Variants in TRHDE observed in about 807,000 individuals in gnomAD.
The protein encoded by TRHDE is thyrotropin-releasing hormone-degrading ectoenzyme.
A neutral mutation model predicts 125.7 loss-of-function variants in TRHDE; 72 were observed. The ratio of observed to expected loss-of-function variants is 0.57; its 90% CI spans 0.47 to 0.70. The LOEUF is 0.70. Among genes scored for constraint, TRHDE ranks in the 30% least tolerant of loss-of-function variants. The pLI is 0.00. For synonymous variants in TRHDE, 509 were observed against 509.1 expected, an observed-to-expected ratio of 1.00 and a Z score of 0.00; for missense variants, 1,110 against 1,327.1, an observed-to-expected ratio of 0.84 and a Z score of 2.54.
chr12:72,395,495 A>G (rs1182170542), intron 3 of TRHDE, among the ~76,000 whole-genome samples: 4 of 151,816 alleles, frequency 2.6e-5, no homozygotes, highest in Non-Finnish European at 4.4e-5. Context: ...CTGCTCCAAC[A>G]ACTTGTCACC....
intron 2 of TRHDE, among the ~76,000 whole-genome samples, chr12:72,350,633 T>C (rs1056666656): frequency 2.0e-5 from 3 of 151,950 alleles, no homozygotes; most frequent in African/African-American, 7.2e-5. Context: ...TTGTCTAGCT[T>C]TTGATCTTCT....
At chr12:72,226,944 C>T (rs147399429) in intron 2 of TRHDE, among the ~76,000 whole-genome samples, 1 of 152,276 alleles carries the variant, frequency 6.6e-6, no homozygotes, top group African/African-American at 2.4e-5. Flanking sequence ...ATGTGGAACA[C>T]AGCAATTAAG....
intron 15 of TRHDE, among the ~76,000 whole-genome samples, chr12:72,636,648 G>A (rs1346549106): frequency 2.0e-5 from 3 of 152,142 alleles, no homozygotes; most frequent in Non-Finnish European, 2.9e-5. Context: ...GTCTGTCATA[G>A]ATAGCTCTTA....
intron 3 of TRHDE, among the ~76,000 whole-genome samples, chr12:72,428,959 T>G (rs1233823552): frequency 6.6e-6 from 1 of 152,076 alleles, no homozygotes; most frequent in Non-Finnish European, 1.5e-5. Context: ...AAAATTCCAT[T>G]GTATAGATAT....
Position 72,273,596 on chromosome 12 carries a change from G to A in TRHDE, c.914+39G>A, listed in dbSNP as rs780894735. 6.5e-7 allele frequency: 1 copy of A among 1,538,870 alleles called. No individual in the cohort carries two copies. Among genetic ancestry groups the A allele is most frequent in the East Asian group, 2.3e-5 (1 of 44,014 alleles). On this transcript the variant is annotated intron_variant, in intron 1 of 18. Coordinates refer to ENST00000261180, the MANE Select transcript of TRHDE (RefSeq NM_013381.3). This position sits in a 1 kb window ranked among gnomAD's most constrained non-coding sequence, Gnocchi z 5.3. ...CGGTGCCCCGCGCTGCCCCACCCCG[G>A]CGCGCGGCTCGAACCTCTGGGCGGC...
At chr12:72,420,328 G>C (rs1873900027) in intron 3 of TRHDE, among the ~76,000 whole-genome samples, 1 of 152,126 alleles carries the variant, frequency 6.6e-6, no homozygotes, top group Admixed American at 6.6e-5. Flanking sequence ...AGCAACTCCT[G>C]GTATTCTGAT....
chr12:72,582,458 T>C (rs1245235308), intron 12 of TRHDE: 18 of 985,314 alleles, frequency 1.8e-5, no homozygotes, highest in Non-Finnish European at 2.2e-5. Flanking sequence ...GGCATGGCTT[T>C]TGTTAGAAGT....
At chr12:72,164,917 G>C (rs530066153) in intron 2 of TRHDE, among the ~76,000 whole-genome samples, 121 of 152,128 alleles carry the variant, frequency 8.0e-4, no homozygotes, top group Non-Finnish European at 1.4e-3. Flanking sequence ...CACACATTCA[G>C]GGGCACCTGC....
chr12:72,154,283 T>C (rs989866117), intron 2 of TRHDE, among the ~76,000 whole-genome samples: 15 of 152,350 alleles, frequency 9.8e-5, no homozygotes, highest in Admixed American at 3.3e-4. Context: ...TTTGAGCCTA[T>C]GTGTGTCTCT....
chr12:72,150,969 G>T (rs1249780562), intron 2 of TRHDE, among the ~76,000 whole-genome samples: 10 of 152,162 alleles, frequency 6.6e-5, no homozygotes, highest in East Asian at 1.9e-4. Flanking sequence ...CTGAGGAATC[G>T]CCACACCGAC....
At chr12:72,340,669 C>T (rs1870042845) in intron 2 of TRHDE, among the ~76,000 whole-genome samples, 1 of 151,978 alleles carries the variant, frequency 6.6e-6, no homozygotes, top group Non-Finnish European at 1.5e-5. Context: ...GGGTGCTAGA[C>T]CCATCTACTC....
chr12:72,424,435 G>A (rs925658188), intron 3 of TRHDE, among the ~76,000 whole-genome samples: 5 of 152,108 alleles, frequency 3.3e-5, no homozygotes, highest in Admixed American at 6.5e-5. Context: ...CAAGTACCAC[G>A]GGTTAGGGCT....
intron 2 of TRHDE, among the ~76,000 whole-genome samples, chr12:72,125,326 A>G (rs1333753991): frequency 6.6e-6 from 1 of 151,920 alleles, no homozygotes; most frequent in Non-Finnish European, 1.5e-5. Context: ...TGAATTTTTT[A>G]TTTCACTTAT....
At chr12:72,168,764 T>C (rs978590205) in intron 2 of TRHDE, among the ~76,000 whole-genome samples, 10 of 152,212 alleles carry the variant, frequency 6.6e-5, no homozygotes, top group African/African-American at 2.4e-4. Flanking sequence ...GCTATTCTTT[T>C]GAGAAGGTAA....
At chr12:72,463,095 A>T (rs1876204101) in intron 3 of TRHDE, among the ~76,000 whole-genome samples, 1 of 152,246 alleles carries the variant, frequency 6.6e-6, no homozygotes, top group South Asian at 2.1e-4. Flanking sequence ...AAAATATCTT[A>T]CATTCAATCA....
chr12:72,568,534 T>A, intron 9 of TRHDE, 34 bp from the exon 10 acceptor site: 1 of 1,520,102 alleles, frequency 6.6e-7, no homozygotes, highest in Non-Finnish European at 9.1e-7. Flanking sequence ...GATATAGTTA[T>A]TTTTATTCTT....
chr12:72,257,702 T>C (rs1878850233), intron 2 of TRHDE: 1 of 152,178 alleles, frequency 6.6e-6, no homozygotes, highest in Admixed American at 6.5e-5. Context: ...GTCAAGGTAA[T>C]TTGAATTTAG....
intron 2 of TRHDE, among the ~76,000 whole-genome samples, chr12:72,322,782 T>TGCTA: frequency 6.6e-6 from 1 of 152,164 alleles, no homozygotes. Flanking sequence ...ACAAACTCAG[T>TGCTA]GCTAGCTAGC....
intron 15 of TRHDE, among the ~76,000 whole-genome samples, chr12:72,642,612 A>G (rs1351742963): frequency 6.6e-6 from 1 of 152,186 alleles, no homozygotes; most frequent in Non-Finnish European, 1.5e-5. Flanking sequence ...CATGTTTATC[A>G]TGTATACCGT....
Sources: allele counts gnomAD v4.1 joint callset (sites outside exome capture counted in the v4.1 genomes callset), GRCh38; gene constraint gnomAD v4.1.1; non-coding constraint Gnocchi (gnomAD v3.1); transcripts MANE v1.5; gene names NCBI Gene and HGNC (gene_info 2026-07-23, HGNC 2026-07-21).